The following NXPE2 variants were observed in gnomAD, a reference collection of about 807,000 sequenced individuals.
NXPE2 encodes neurexophilin and PC-esterase domain family member 2, also known as NXPE family member 2.
A neutral mutation model predicts 34.4 loss-of-function variants in NXPE2; 34 were observed. That is an observed-to-expected ratio of 0.99 (90% CI 0.75 to 1.31). The LOEUF (loss-of-function observed/expected upper bound fraction) is 1.31. Ranked by LOEUF, NXPE2 falls within the 40% of genes most tolerant of loss-of-function variation. NXPE2 has a pLI of 0.00. For synonymous variants in NXPE2, 235 were observed against 231.3 expected, an observed-to-expected ratio of 1.02 and a Z score of -0.15; for missense variants, 649 against 672.5, an observed-to-expected ratio of 0.97 and a Z score of 0.39.
At chr11:114,566,560 T>C in the NXPE2 span, among the ~76,000 whole-genome samples, 1 of 152,128 alleles carries the variant, frequency 6.6e-6, no homozygotes, top group Admixed American at 6.5e-5. Context: ...ATTTAGAACA[T>C]AAACCCAACT....
At chr11:114,625,160 G>A in the NXPE2 span, among the ~76,000 whole-genome samples, 4 of 152,200 alleles carry the variant, frequency 2.6e-5, no homozygotes, top group Admixed American at 6.5e-5. Flanking sequence ...TTGCCTTGTG[G>A]GTAACCACTG....
At chr11:114,761,561 CTTTTTTTT>C in the NXPE2 span, among the ~76,000 whole-genome samples, 2 of 92,774 alleles carry the variant, frequency 2.2e-5, no homozygotes, top group African/African-American at 8.7e-5. Context: ...AGCCAAGCCT[CTTTTTTTT>C]TTTTTTTTTT....
chr11:114,750,606 T>A, the NXPE2 span, among the ~76,000 whole-genome samples: 1 of 152,228 alleles, frequency 6.6e-6, no homozygotes, highest in Middle Eastern at 3.2e-3. Context: ...TCTTATAGTA[T>A]CTAGCCAAAC....
At chr11:114,734,109 A>G in the NXPE2 span, among the ~76,000 whole-genome samples, 1 of 152,226 alleles carries the variant, frequency 6.6e-6, no homozygotes, top group East Asian at 1.9e-4. Context: ...AAGTTTCAAT[A>G]GAACTTATCT....
the NXPE2 span, among the ~76,000 whole-genome samples, chr11:114,641,757 A>C: frequency 1.3e-5 from 2 of 152,092 alleles, no homozygotes; most frequent in Admixed American, 1.3e-4. Context: ...GTTCTAGTAC[A>C]TTTGATCAAG....
the NXPE2 span, among the ~76,000 whole-genome samples, chr11:114,567,864 G>T: frequency 6.6e-6 from 1 of 151,806 alleles, no homozygotes; most frequent in Admixed American, 6.6e-5. Flanking sequence ...TCTTTGTGGA[G>T]TATTTTTCCA....
chr11:114,611,434 C>T, the NXPE2 span, among the ~76,000 whole-genome samples: 1 of 151,578 alleles, frequency 6.6e-6, no homozygotes, highest in Non-Finnish European at 1.5e-5. Context: ...CTAGGGTAAT[C>T]ACTGTTACCC....
chr11:114,681,665 A>G (rs1225998065), intron 2 of NXPE2, among the ~76,000 whole-genome samples: 1 of 152,126 alleles, frequency 6.6e-6, no homozygotes, highest in East Asian at 1.9e-4. Context: ...TTTTAACATA[A>G]CGATTATAAT....
At chr11:114,533,933 A>T in the NXPE2 span, among the ~76,000 whole-genome samples, 1 of 152,202 alleles carries the variant, frequency 6.6e-6, no homozygotes, top group Non-Finnish European at 1.5e-5. Flanking sequence ...CTTTGAAGAG[A>T]GCAGTGGTTC....
At chr11:114,523,136 G>T in the NXPE2 span, 7 of 1,378,974 alleles carry the variant, frequency 5.1e-6, no homozygotes, top group Non-Finnish European at 7.2e-6. Flanking sequence ...GCAAAACTTA[G>T]ACATCTAGCC....
At chr11:114,559,685 C>G in the NXPE2 span, 42 of 152,336 alleles carry the variant, frequency 2.8e-4, no homozygotes, top group East Asian at 6.3e-3. Flanking sequence ...GAGAGAACCC[C>G]TCAGCAGACA....
intron 2 of NXPE2, among the ~76,000 whole-genome samples, chr11:114,681,743 C>A (rs918691090): frequency 6.6e-6 from 1 of 152,002 alleles, no homozygotes; most frequent in Non-Finnish European, 1.5e-5. Flanking sequence ...GGAATACATG[C>A]CAATAACATA....
chr11:114,535,632 C>G, the NXPE2 span, among the ~76,000 whole-genome samples: 5 of 152,094 alleles, frequency 3.3e-5, no homozygotes, highest in African/African-American at 1.2e-4. Context: ...GGATTGCAAT[C>G]CTAGTCTCGG....
At chr11:114,616,759 A>C in the NXPE2 span, among the ~76,000 whole-genome samples, 19 of 151,892 alleles carry the variant, frequency 1.3e-4, no homozygotes, top group African/African-American at 4.4e-4. Context: ...TAACCGGTGG[A>C]TAATAAGTGT....
the NXPE2 span, among the ~76,000 whole-genome samples, chr11:114,489,822 A>G: frequency 1.3e-5 from 2 of 152,032 alleles, no homozygotes; most frequent in South Asian, 4.2e-4. Context: ...CTCTCTCACC[A>G]CTCCTATTCA....
chr11:114,612,832 T>C, the NXPE2 span, among the ~76,000 whole-genome samples: 1 of 151,948 alleles, frequency 6.6e-6, no homozygotes, highest in East Asian at 2.0e-4. Context: ...ACCCAGAGGA[T>C]AGTAAGTATT....
At chr11:114,680,328 C>T (rs559765812) in intron 2 of NXPE2, among the ~76,000 whole-genome samples, 8 of 152,120 alleles carry the variant, frequency 5.3e-5, no homozygotes, top group African/African-American at 1.7e-4. Flanking sequence ...TTTAGCCATT[C>T]GAGGCCCGTT....
At chr11:114,635,481 G>T in the NXPE2 span, among the ~76,000 whole-genome samples, 1 of 151,784 alleles carries the variant, frequency 6.6e-6, no homozygotes, top group Non-Finnish European at 1.5e-5. Flanking sequence ...AATTGCCCTG[G>T]CCAGAACTTC....
chr11:114,636,875 A>G, the NXPE2 span, among the ~76,000 whole-genome samples: 8 of 152,058 alleles, frequency 5.3e-5, no homozygotes, highest in African/African-American at 1.9e-4. Flanking sequence ...GGAGAGGTTT[A>G]TTTCCAAGTA....
Sources: gnomAD v4.1 joint callset for allele counts (sites outside exome capture counted in the v4.1 genomes callset) on GRCh38, gnomAD v4.1.1 for gene constraint, MANE v1.5 for transcripts, NCBI Gene and HGNC (gene_info 2026-07-23, HGNC 2026-07-21) for gene names.